The following SPACA7 variants were observed in gnomAD, a reference collection of about 807,000 sequenced individuals.
SPACA7 encodes sperm acrosome-associated protein 7.
Under a neutral mutation model 26.3 loss-of-function variants are expected in SPACA7, and 19 were observed. That is an observed-to-expected ratio of 0.72 (90% CI 0.50 to 1.06). The LOEUF (loss-of-function observed/expected upper bound fraction) is 1.06, where lower values mean the gene tolerates loss of function less well. SPACA7 is among the 50% of genes least tolerant of loss of function. SPACA7 has a pLI of 0.00. For synonymous variants in SPACA7, 84 were observed against 84.5 expected, an observed-to-expected ratio of 0.99 and a Z score of 0.04; for missense variants, 211 against 229.9, an observed-to-expected ratio of 0.92 and a Z score of 0.53.
chr13:112,426,821 C>G (rs1276989363), intron 5 of SPACA7, among the ~76,000 whole-genome samples: 1 of 152,174 alleles, frequency 6.6e-6, no homozygotes, highest in Non-Finnish European at 1.5e-5. Flanking sequence ...CGTAGAGGAT[C>G]ATATCACCTG....
At position 112,434,481 on chromosome 13, in the gene SPACA7, A is replaced by C; in HGVS notation, c.524-4A>C. On this transcript the variant is annotated splice_region_variant and splice_polypyrimidine_tract_variant and intron_variant, in intron 6 of 6. Coordinates refer to ENST00000283550, the MANE Select transcript of SPACA7 (RefSeq NM_145248.5). The stretch of plus-strand genomic sequence containing the variant: ...CAGTCTCAAAATCTCCTCTTTCCAC[A>C]CAGGAAACATTTTCCATAAAGAGCA... 6.2e-7 allele frequency: 1 copy of C among 1,607,902 alleles called. No homozygotes were observed. Among genetic ancestry groups the C allele is most frequent in the Non-Finnish European group, 8.5e-7 (1 of 1,177,220 alleles).
chr13:112,381,097 A>G (rs534012021), intron 1 of SPACA7, among the ~76,000 whole-genome samples: 2 of 152,338 alleles, frequency 1.3e-5, no homozygotes, highest in South Asian at 4.1e-4. Context: ...TCAATAGCTT[A>G]TCTTATTTAA....
At chr13:112,429,399 A>G (rs1876851934) in intron 5 of SPACA7, among the ~76,000 whole-genome samples, 1 of 151,920 alleles carries the variant, frequency 6.6e-6, no homozygotes, top group Non-Finnish European at 1.5e-5. Context: ...AGAAAGAAAG[A>G]AATGACTCTT....
rs1337179650 is a variant in SPACA7 at position 112,378,876 on chromosome 13, G to A, written c.94+2397G>A. 46 of 362,656 alleles carry A rather than the reference G, an allele frequency of 1.3e-4. 2 individuals are homozygous for A. The highest frequency in any genetic ancestry group is 9.8e-4 in the South Asian group (42 of 43,042). The allele number at this position is 362,656 out of a possible 1,614,324, so 22.5% of individuals were successfully genotyped here. Reference sequence around the variant, plus strand: ...TGTTTCCAATCGTGTCCTGTTGCAAGGAGAATCAATTTTTATTAAACTTAC... The same window carrying A: ...TGTTTCCAATCGTGTCCTGTTGCAAAGAGAATCAATTTTTATTAAACTTAC... On this transcript the variant is annotated intron_variant, in intron 1 of 6. Transcript: ENST00000283550.
intron 4 of SPACA7, 47 bp from the exon 5 acceptor site, chr13:112,401,022 T>C (rs1468097110): frequency 7.3e-7 from 1 of 1,364,342 alleles, no homozygotes; most frequent in African/African-American, 1.4e-5. Flanking sequence ...CTTATAAGTG[T>C]GTAATCAAGG....
At chr13:112,378,446 G>A (rs949830016) in intron 1 of SPACA7, among the ~76,000 whole-genome samples, 3 of 152,006 alleles carry the variant, frequency 2.0e-5, no homozygotes, top group Non-Finnish European at 4.4e-5. Context: ...TACAAGATTT[G>A]GTCTGATTAT....
intron 1 of SPACA7, among the ~76,000 whole-genome samples, chr13:112,381,874 G>A (rs1384378211): frequency 6.6e-6 from 1 of 152,142 alleles, no homozygotes; most frequent in Non-Finnish European, 1.5e-5. Flanking sequence ...TCAAGGGCAG[G>A]ATCTGCAAAA....
chr13:112,378,557 T>C, intron 1 of SPACA7: 1 of 378,814 alleles, frequency 2.6e-6, no homozygotes, highest in East Asian at 7.6e-5. Flanking sequence ...TAAAAGCTTT[T>C]TGAGGCTAGG....
At chr13:112,382,524 C>T (rs768072372) in intron 1 of SPACA7, 37 of 1,548,858 alleles carry the variant, frequency 2.4e-5, no homozygotes, top group Middle Eastern at 1.7e-4. Context: ...ACAGTGGAAC[C>T]GTTTTGCAAC....
intron 6 of SPACA7, among the ~76,000 whole-genome samples, chr13:112,433,636 C>T (rs985017185): frequency 2.7e-5 from 4 of 147,742 alleles, no homozygotes; most frequent in Non-Finnish European, 4.6e-5. Flanking sequence ...AGACGACCTC[C>T]CTGCTGCATG....
intron 5 of SPACA7, among the ~76,000 whole-genome samples, chr13:112,431,888 G>A (rs1280590418): frequency 1.3e-5 from 2 of 152,194 alleles, no homozygotes; most frequent in African/African-American, 4.8e-5. Flanking sequence ...GGCCGGTTTG[G>A]GGGGACTTGG....
At chr13:112,417,048 T>C (rs76084017) in intron 5 of SPACA7, among the ~76,000 whole-genome samples, 1,880 of 152,306 alleles carry the variant, frequency 0.012, 32 homozygotes, top group African/African-American at 0.044. Flanking sequence ...GAACGCTGCT[T>C]CATTGTTGCC....
At chr13:112,386,534 T>C (rs1884537667) in intron 1 of SPACA7, among the ~76,000 whole-genome samples, 1 of 152,070 alleles carries the variant, frequency 6.6e-6, no homozygotes, top group African/African-American at 2.4e-5. Flanking sequence ...CTGTGGTGCC[T>C]CCTCTGTTTT....
intron 5 of SPACA7, among the ~76,000 whole-genome samples, chr13:112,425,642 CAGAG>C (rs147491873): frequency 3.3e-5 from 5 of 151,548 alleles, no homozygotes; most frequent in African/African-American, 9.7e-5. Context: ...CAGAGAGAGA[CAGAG>C]AGAGAGAGAC....
intron 5 of SPACA7, among the ~76,000 whole-genome samples, chr13:112,423,686 C>T (rs923153722): frequency 6.6e-6 from 1 of 152,176 alleles, no homozygotes; most frequent in East Asian, 1.9e-4. Context: ...CAGTGAAGAA[C>T]ATAATCCTCA....
chr13:112,404,023 C>A (rs1885816387), intron 5 of SPACA7, among the ~76,000 whole-genome samples: 1 of 152,114 alleles, frequency 6.6e-6, no homozygotes, highest in African/African-American at 2.4e-5. Flanking sequence ...GTGGTTGTAC[C>A]ACTTTACATT....
At chr13:112,429,118 C>T (rs1876816757) in intron 5 of SPACA7, among the ~76,000 whole-genome samples, 1 of 152,264 alleles carries the variant, frequency 6.6e-6, no homozygotes, top group East Asian at 1.9e-4. Context: ...GTGGCTTGTG[C>T]CTGTAATCCT....
intron 5 of SPACA7, among the ~76,000 whole-genome samples, chr13:112,414,850 T>C (rs916416823): frequency 6.6e-6 from 1 of 152,254 alleles, no homozygotes; most frequent in African/African-American, 2.4e-5. Flanking sequence ...CATATTTTTC[T>C]GAATGTTCTT....
At chr13:112,425,184 A>T (rs1318308816) in intron 5 of SPACA7, among the ~76,000 whole-genome samples, 1 of 152,216 alleles carries the variant, frequency 6.6e-6, no homozygotes, top group African/African-American at 2.4e-5. Flanking sequence ...AAGGGTGCGC[A>T]CAGGCTCCCC....
Sources: gnomAD v4.1 joint callset for allele counts (sites outside exome capture counted in the v4.1 genomes callset) on GRCh38, gnomAD v4.1.1 for gene constraint, MANE v1.5 for transcripts, NCBI Gene and HGNC (gene_info 2026-07-23, HGNC 2026-07-21) for gene names.